Variants in MDGA2 observed in about 807,000 individuals in gnomAD.
MDGA2 encodes the protein MAM domain-containing glycosylphosphatidylinositol anchor protein 2.
MDGA2 carries 40 observed loss-of-function variants against 117.8 expected under a neutral mutation model. The ratio of observed to expected loss-of-function variants is 0.34; its 90% CI spans 0.26 to 0.44. The LOEUF (loss-of-function observed/expected upper bound fraction) is 0.44, where lower values mean the gene tolerates loss of function less well. Among genes scored for constraint, MDGA2 ranks in the 20% least tolerant of loss-of-function variants. MDGA2 has a pLI of 1.00. For synonymous variants in MDGA2, 452 were observed against 439.0 expected (o/e 1.03, Z -0.37); for missense variants, 1,123 against 1,250.6 (o/e 0.90, Z 1.54).
intron 8 of MDGA2, among the ~76,000 whole-genome samples, chr14:46,970,453 G>T (rs1054704686): frequency 6.6e-6 from 1 of 152,052 alleles, no homozygotes; most frequent in Non-Finnish European, 1.5e-5. Flanking sequence ...ATGGGGAAAA[G>T]ATACTATCTT....
At chr14:47,168,729 A>G (rs1225502034) in intron 3 of MDGA2, among the ~76,000 whole-genome samples, 1 of 152,108 alleles carries the variant, frequency 6.6e-6, no homozygotes. Context: ...TCAAAGTCAA[A>G]TTAATTCACC....
chr14:47,131,870 A>C, intron 4 of MDGA2, 24 bp from the exon 5 acceptor site: 1 of 1,514,424 alleles, frequency 6.6e-7, no homozygotes, highest in Non-Finnish European at 9.0e-7. Context: ...CAAAAAATAA[A>C]AGTCATTAGA....
Position 47,336,862 on chromosome 14 carries a change from T to A in MDGA2, c.281-35312A>T, listed in dbSNP as rs893052031. 2.0e-5 allele frequency among the ~76,000 whole-genome samples: 3 copies of A among 151,984 alleles called. No individual in the cohort carries two copies. The Admixed American group carries it at 2.0e-4, about 10-fold the overall frequency. ...GAGTTCAGGCATCTTTTTTGACTTG[T>A]TCACCATTTTTTCCACAGTACCCAG... On this transcript the variant is annotated intron_variant, in intron 1 of 16. Transcript: ENST00000399232.
At chr14:46,985,361 C>G (rs1441463604) in intron 8 of MDGA2, among the ~76,000 whole-genome samples, 2 of 152,070 alleles carry the variant, frequency 1.3e-5, no homozygotes, top group South Asian at 2.1e-4. Context: ...AGCACAAGTA[C>G]TTAAGTATAT....
intron 1 of MDGA2, among the ~76,000 whole-genome samples, chr14:47,609,465 A>ATATATATATATATATATATATATAT (rs1555336021): frequency 1.4e-4 from 15 of 107,382 alleles, no homozygotes; most frequent in South Asian, 2.9e-4. Context: ...ATATATATAT[A>ATATATATATATATATATATATATAT]AGTTTCTTTA....
At chr14:46,871,715 TA>T (rs1453516963) in intron 14 of MDGA2, 1 of 159,586 alleles carries the variant, frequency 6.3e-6, no homozygotes, top group Middle Eastern at 5.2e-4. Context: ...AAATAAGAGT[TA>T]TTATTCTCAT....
intron 1 of MDGA2, among the ~76,000 whole-genome samples, chr14:47,330,907 T>C (rs1318458736): frequency 6.6e-6 from 1 of 151,898 alleles, no homozygotes; most frequent in Non-Finnish European, 1.5e-5. Context: ...AGTCAAAAGG[T>C]AGTTTCTATG....
intron 1 of MDGA2, among the ~76,000 whole-genome samples, chr14:47,564,987 C>A (rs142164082): frequency 5.3e-4 from 80 of 149,694 alleles, no homozygotes; most frequent in African/African-American, 1.9e-3. Flanking sequence ...AAAATGGCCA[C>A]TTTTTTTTTT....
intron 3 of MDGA2, among the ~76,000 whole-genome samples, chr14:47,156,876 G>A (rs940933126): frequency 1.3e-5 from 2 of 152,170 alleles, no homozygotes; most frequent in African/African-American, 4.8e-5. Context: ...TTATGAACAA[G>A]AATTTATATT....
chr14:47,429,977 A>G (rs1892766524), intron 1 of MDGA2, among the ~76,000 whole-genome samples: 1 of 148,516 alleles, frequency 6.7e-6, no homozygotes, highest in Admixed American at 6.9e-5. Context: ...TTCTAGATGG[A>G]AAAGCATGTG....
chr14:47,405,166 G>A (rs565787725), intron 1 of MDGA2, among the ~76,000 whole-genome samples: 5 of 152,050 alleles, frequency 3.3e-5, no homozygotes, highest in East Asian at 1.9e-4. Flanking sequence ...GGCTCTATGC[G>A]GCTTTATCAA....
At chr14:47,121,717 C>A (rs539423935) in intron 5 of MDGA2, among the ~76,000 whole-genome samples, 3 of 152,122 alleles carry the variant, frequency 2.0e-5, no homozygotes, top group African/African-American at 7.2e-5. Flanking sequence ...AGGTATGAAT[C>A]TGGGGAAACT....
chr14:47,176,976 C>T (rs1462178417), intron 3 of MDGA2, among the ~76,000 whole-genome samples: 1 of 152,026 alleles, frequency 6.6e-6, no homozygotes, highest in Non-Finnish European at 1.5e-5. Flanking sequence ...ACAACCCCAT[C>T]AAAAAGTGGG....
chr14:46,857,722 G>A (rs1269771477), intron 14 of MDGA2, among the ~76,000 whole-genome samples: 1 of 151,924 alleles, frequency 6.6e-6, no homozygotes, highest in Non-Finnish European at 1.5e-5. Flanking sequence ...TGGTGCCATG[G>A]CACCTCACAG....
chr14:47,419,283 C>A (rs1892531646), intron 1 of MDGA2, among the ~76,000 whole-genome samples: 1 of 151,758 alleles, frequency 6.6e-6, no homozygotes, highest in Non-Finnish European at 1.5e-5. Context: ...CAATACTGCA[C>A]ACTTGAAAGA....
chr14:46,986,085 G>A (rs1156921378), intron 8 of MDGA2, among the ~76,000 whole-genome samples: 1 of 152,040 alleles, frequency 6.6e-6, no homozygotes, highest in African/African-American at 2.4e-5. Context: ...GAGGAATCTT[G>A]CTAAAATATC....
intron 7 of MDGA2, among the ~76,000 whole-genome samples, chr14:47,054,411 T>C (rs1354437002): frequency 6.6e-6 from 1 of 151,644 alleles, no homozygotes; most frequent in Non-Finnish European, 1.5e-5. Context: ...CATGTTGGTG[T>C]GCTGCACCCA....
At position 47,392,137 on chromosome 14, in the gene MDGA2, A is replaced by T. The variant is rs182816355; in HGVS notation, c.281-90587T>A. Among the ~76,000 whole-genome samples the T allele has an allele frequency of 2.0e-5, 3 of 152,302 alleles. No individual in the cohort carries two copies. The East Asian group carries it at 5.8e-4, about 29-fold the overall frequency. On this transcript the variant is annotated intron_variant, in intron 1 of 16. Coordinates refer to ENST00000399232, the MANE Select transcript of MDGA2 (RefSeq NM_001113498.3). Reference sequence around the variant, plus strand: ...ATCAAATGGAAGGCGTATGTAAAGAACTGAGTGAATAATGAATGTACAAGA... The same window carrying T: ...ATCAAATGGAAGGCGTATGTAAAGATCTGAGTGAATAATGAATGTACAAGA...
chr14:46,881,009 A>AAAACACACACACACAC (rs374276353), intron 11 of MDGA2, among the ~76,000 whole-genome samples: 2 of 145,588 alleles, frequency 1.4e-5, no homozygotes, highest in African/African-American at 2.5e-5. Context: ...AACTATCACT[A>AAAACACACACACACAC]ACACACACAC....
Sources: gnomAD v4.1 joint callset for allele counts (sites outside exome capture counted in the v4.1 genomes callset) on GRCh38, gnomAD v4.1.1 for gene constraint, MANE v1.5 for transcripts, NCBI Gene and HGNC (gene_info 2026-07-23, HGNC 2026-07-21) for gene names.